EHBP1: variants seen among roughly 807,000 people sequenced by gnomAD.
EHBP1 encodes the protein EH domain-binding protein 1.
In EHBP1, 55 loss-of-function variants were observed where a neutral mutation model predicts 144.0. The ratio of observed to expected loss-of-function variants is 0.38; its 90% CI spans 0.31 to 0.48. The LOEUF is 0.48. Among genes scored for constraint, EHBP1 ranks in the 20% least tolerant of loss-of-function variants. The pLI is 0.98. For missense variants in EHBP1, 1,200 were observed against 1,364.2 expected (o/e 0.88, Z 1.90); for synonymous variants, 469 against 472.7 (o/e 0.99, Z 0.10).
At chr2:62,830,195 C>CACAT (rs1400040654) in intron 6 of EHBP1, among the ~76,000 whole-genome samples, 6,554 of 115,722 alleles carry the variant, frequency 0.057, 215 homozygotes, top group Non-Finnish European at 0.08. Context: ...CACACACACA[C>CACAT]ATATATATAC....
intron 16 of EHBP1, 24 bp from the exon 17 acceptor site, chr2:62,993,506 T>C: frequency 6.6e-7 from 1 of 1,509,304 alleles, no homozygotes; most frequent in Non-Finnish European, 8.9e-7. Context: ...AGGACTCTCT[T>C]ACCATGTGTT....
chr2:62,860,852 C>G (rs2049466326), intron 8 of EHBP1, among the ~76,000 whole-genome samples: 1 of 152,092 alleles, frequency 6.6e-6, no homozygotes, highest in Admixed American at 6.6e-5. Context: ...AGTAAGCCAG[C>G]CTGATTCAGA....
At chr2:62,681,087 T>C (rs867314735) in intron 1 of EHBP1, among the ~76,000 whole-genome samples, 8 of 151,408 alleles carry the variant, frequency 5.3e-5, no homozygotes, top group African/African-American at 1.9e-4. Context: ...CTGAGGCAGG[T>C]GGATCACCTG....
At chr2:62,842,308 A>T (rs1233397087) in intron 7 of EHBP1, among the ~76,000 whole-genome samples, 3 of 152,116 alleles carry the variant, frequency 2.0e-5, no homozygotes, top group Admixed American at 2.0e-4. Flanking sequence ...GCTGGTCTTG[A>T]ACTCCTGACC....
At chr2:62,863,457 T>G (rs972839292) in intron 8 of EHBP1, among the ~76,000 whole-genome samples, 2 of 152,090 alleles carry the variant, frequency 1.3e-5, no homozygotes, top group East Asian at 3.9e-4. Flanking sequence ...AAAATAAAAA[T>G]GAAAGCACCA....
chr2:62,880,826 A>G (rs1429413066), intron 10 of EHBP1, among the ~76,000 whole-genome samples: 3 of 152,210 alleles, frequency 2.0e-5, no homozygotes, highest in Non-Finnish European at 4.4e-5. Context: ...TAGTTCAGCC[A>G]CTATGGAAAA....
chr2:62,874,468 C>A lies in EHBP1; in HGVS notation c.1121C>A (p.Pro374Gln). ...GCCCCGGCTCCACCAGTCCTCTCACCAAAAACAGGAGTATTAAATGAAAAC... is the reference window on the plus strand; with the variant it reads ...GCCCCGGCTCCACCAGTCCTCTCACAAAAAACAGGAGTATTAAATGAAAAC... ...RKAPAPPVLSPKTGVLNENTV... is the reference protein window; with the variant it reads ...RKAPAPPVLSQKTGVLNENTV... Residue 374 changes from proline (P) to glutamine (Q), a missense_variant, in exon 10 of 23, where the codon CCA becomes CAA. Physicochemically the swap from Pro to Gln is moderately conservative, Grantham distance 76. This residue lies in a region of EHBP1 where 266 missense variants were observed against 262.4 expected (regional missense o/e 1.01). Coordinates refer to ENST00000431489, the MANE Select transcript of EHBP1 (RefSeq NM_001142616.3). 6.2e-7 allele frequency: 1 copy of A among 1,612,390 alleles called. No homozygotes were observed. The highest frequency in any genetic ancestry group is 1.1e-5 in the South Asian group (1 of 90,714).
intron 10 of EHBP1, among the ~76,000 whole-genome samples, chr2:62,926,739 G>C (rs1299015327): frequency 6.6e-6 from 1 of 152,102 alleles, no homozygotes. Flanking sequence ...GATACTGTTG[G>C]TGGGAATGCA....
chr2:62,947,624 C>G (rs977473340), intron 12 of EHBP1, among the ~76,000 whole-genome samples: 1 of 152,108 alleles, frequency 6.6e-6, no homozygotes, highest in East Asian at 1.9e-4. Context: ...ACTAGAAAAA[C>G]CTGATGTGCC....
rs373870285 is a variant in EHBP1 at position 62,709,811 on chromosome 2, A to G, written c.104+2516A>G. On this transcript the variant is annotated intron_variant, in intron 2 of 22. Transcript: ENST00000431489. Reference sequence around the variant, plus strand: ...AGTGGTTCTAGAACTTACATCTAGAACTTAATACCAGAATTATTTATACCA... The same window carrying G: ...AGTGGTTCTAGAACTTACATCTAGAGCTTAATACCAGAATTATTTATACCA... 1.1e-4 allele frequency among the ~76,000 whole-genome samples: 17 copies of G among 152,174 alleles called. No homozygotes were observed. The South Asian group carries it at 2.3e-3, about 20-fold the overall frequency.
At chr2:62,737,441 C>G (rs960430295) in intron 2 of EHBP1, among the ~76,000 whole-genome samples, 3 of 152,086 alleles carry the variant, frequency 2.0e-5, no homozygotes, top group Admixed American at 6.6e-5. Context: ...AATTACAGTT[C>G]AGCTTTCCCT....
chr2:62,831,997 G>T (rs1203542037), intron 7 of EHBP1, among the ~76,000 whole-genome samples: 1 of 152,140 alleles, frequency 6.6e-6, no homozygotes, highest in Non-Finnish European at 1.5e-5. Flanking sequence ...TGACTTCCTT[G>T]ACTCTGAAGA....
intron 5 of EHBP1, among the ~76,000 whole-genome samples, chr2:62,788,093 G>A (rs565841248): frequency 4.9e-4 from 75 of 152,066 alleles, no homozygotes; most frequent in Non-Finnish European, 8.1e-4. Flanking sequence ...TTTAAAGAAT[G>A]CCTCTTTTAA....
At chr2:62,900,447 C>A (rs2053304853) in intron 10 of EHBP1, among the ~76,000 whole-genome samples, 1 of 151,786 alleles carries the variant, frequency 6.6e-6, no homozygotes. Context: ...CATGGTGAGA[C>A]CCCATCTTCA....
At chr2:62,925,597 A>G (rs777656413) in intron 10 of EHBP1, among the ~76,000 whole-genome samples, 5 of 152,316 alleles carry the variant, frequency 3.3e-5, no homozygotes, top group Admixed American at 2.0e-4. Context: ...CAAAATTTGT[A>G]TATTAAAATC....
chr2:62,856,687 C>G (rs1228248906), intron 7 of EHBP1, among the ~76,000 whole-genome samples: 3 of 152,224 alleles, frequency 2.0e-5, no homozygotes, highest in Admixed American at 2.0e-4. Context: ...GCCAGAAAAG[C>G]TACATCCCAA....
At chr2:62,971,616 T>C (rs551757696) in intron 14 of EHBP1, among the ~76,000 whole-genome samples, 28 of 152,304 alleles carry the variant, frequency 1.8e-4, no homozygotes, top group African/African-American at 6.3e-4. Flanking sequence ...ATTCTTACTA[T>C]GCCATTTACA....
intron 4 of EHBP1, among the ~76,000 whole-genome samples, chr2:62,765,836 A>T (rs1300595671): frequency 6.6e-6 from 1 of 152,174 alleles, no homozygotes; most frequent in Non-Finnish European, 1.5e-5. Flanking sequence ...GCATTGCATC[A>T]CACTGTATTA....
chr2:62,731,963 A>G (rs2152036908), intron 2 of EHBP1, among the ~76,000 whole-genome samples: 1 of 152,314 alleles, frequency 6.6e-6, no homozygotes. Context: ...TAAGAAGGAC[A>G]GTTTCACTGG....
Sources: allele counts gnomAD v4.1 joint callset (sites outside exome capture counted in the v4.1 genomes callset), GRCh38; gene constraint gnomAD v4.1.1; regional missense constraint gnomAD v4.1.1; transcripts MANE v1.5; gene names NCBI Gene and HGNC (gene_info 2026-07-23, HGNC 2026-07-21).